Variants in ZNF625 observed in about 807,000 individuals in gnomAD.
ZNF625 encodes zinc finger protein 625.
ZNF625 carries 8 observed loss-of-function variants against 11.1 expected under a neutral mutation model. That is an observed-to-expected ratio of 0.72 (90% CI 0.42 to 1.30). The LOEUF is 1.30. ZNF625 is among the 50% of genes most tolerant of loss of function. The pLI, the probability that ZNF625 is intolerant of heterozygous loss-of-function variation, is 0.01. For missense variants in ZNF625, 349 were observed against 447.6 expected, an observed-to-expected ratio of 0.78 and a Z score of 1.99; for synonymous variants, 145 against 153.4, an observed-to-expected ratio of 0.95 and a Z score of 0.41.
At chr19:12,152,771 G>C (rs1232861916) in intron 1 of ZNF625, among the ~76,000 whole-genome samples, 1 of 151,834 alleles carries the variant, frequency 6.6e-6, no homozygotes, top group Non-Finnish European at 1.5e-5. Flanking sequence ...GAACCCAGGA[G>C]GCAGAGGTTG....
chr19:12,146,794 T>C (rs1976880297), intron 3 of ZNF625, among the ~76,000 whole-genome samples: 1 of 152,162 alleles, frequency 6.6e-6, no homozygotes, highest in South Asian at 2.1e-4. Flanking sequence ...TTATTGCTTC[T>C]GAGTCAGGGT....
Position 12,145,924 on chromosome 19 carries a change from A to G in ZNF625, c.492T>C (p.Asp164=). 1 of 1,613,918 alleles carries G rather than the reference A, an allele frequency of 6.2e-7. No homozygotes were observed. The highest frequency in any genetic ancestry group is 8.5e-7 in the Non-Finnish European group (1 of 1,179,974). ...TAAAGCTTTTTCCACATTCCTCACA[A>G]TCATAAGGTTTCCCCCCAGTGTGAG... The part of the protein sequence containing the change: ...EWAHTGGKPY[D]CEECGKSFIS... Residue 164 remains aspartate, a synonymous_variant, in exon 4 of 4, where the codon GAT becomes GAC. Coordinates refer to ENST00000439556, the MANE Select transcript of ZNF625 (RefSeq NM_145233.4).
intron 1 of ZNF625, among the ~76,000 whole-genome samples, chr19:12,148,672 A>G (rs1976911802): frequency 6.7e-6 from 1 of 148,944 alleles, no homozygotes; most frequent in African/African-American, 2.5e-5. Flanking sequence ...CACAGGCTGG[A>G]GTGCAGTGGC....
At chr19:12,152,355 T>C (rs1976967757) in intron 1 of ZNF625, among the ~76,000 whole-genome samples, 1 of 151,984 alleles carries the variant, frequency 6.6e-6, no homozygotes, top group African/African-American at 2.4e-5. Context: ...CACCAATATA[T>C]TGGAAAAGAG....
Position 12,145,258 on chromosome 19 carries a change from C to A in ZNF625, c.*39G>T. 1.3e-6 allele frequency: 2 copies of A among 1,534,078 alleles called. No individual in the cohort carries two copies. The highest frequency in any genetic ancestry group is 1.3e-5 in the South Asian group (1 of 77,266). ...TGATTTGAGGGAAACACATTTTTAC[C>A]ATGATTGGATTCGGTGGCTTCTAGG... On this transcript the variant is annotated 3_prime_UTR_variant, in exon 4 of 4. Coordinates refer to ENST00000439556, the MANE Select transcript of ZNF625 (RefSeq NM_145233.4).
At chr19:12,153,276 C>T (rs1976980419) in intron 1 of ZNF625, among the ~76,000 whole-genome samples, 2 of 147,694 alleles carry the variant, frequency 1.4e-5, no homozygotes, top group African/African-American at 2.5e-5. Flanking sequence ...ACTTGAACTT[C>T]GGGGGAGAAG....
chr19:12,146,420 T>C (rs1261036552), intron 3 of ZNF625, among the ~76,000 whole-genome samples, 196 bp from the exon 4 acceptor site: 2 of 152,064 alleles, frequency 1.3e-5, no homozygotes, highest in Admixed American at 6.6e-5. Context: ...AATATTGATA[T>C]AGGGCTTCTT....
intron 1 of ZNF625, among the ~76,000 whole-genome samples, chr19:12,153,661 G>C (rs1713097633): frequency 6.9e-6 from 1 of 145,500 alleles, no homozygotes; most frequent in Middle Eastern, 3.5e-3. Context: ...TCCAGCCTGG[G>C]TGACAGAGGG....
chr19:12,147,980 T>A (rs569107290), intron 1 of ZNF625, among the ~76,000 whole-genome samples, 178 bp from the exon 2 acceptor site: 30 of 152,260 alleles, frequency 2.0e-4, no homozygotes, highest in East Asian at 9.7e-4. Context: ...TCTTTTTTTT[T>A]AATTATTATT....
chr19:12,147,633 T>C (rs1195933701), intron 2 of ZNF625, 43 bp downstream of exon 2: 25 of 1,612,844 alleles, frequency 1.6e-5, no homozygotes, highest in Non-Finnish European at 2.0e-5. Context: ...CTAGAAACAC[T>C]TGTTCTCTAA....
chr19:12,145,878 T>C lies in ZNF625; in HGVS notation c.538A>G (p.Arg180Gly). Residue 180 changes from arginine to glycine, a missense_variant, in exon 4 of 4, where the codon AGA becomes GGA. Physicochemically the swap from Arg to Gly is moderately radical, Grantham distance 125. Coordinates refer to ENST00000439556, the MANE Select transcript of ZNF625 (RefSeq NM_145233.4). ...TCTCCACTGTGCATTATCCTGTGTC[T>C]TCGAATGCTTGAACGGGAAATAAAG... ...KSFISRSSIR[R>G]HRIMHSGDGP... The C allele has an allele frequency of 6.2e-7, 1 of 1,614,184 alleles. No individual in the cohort carries two copies. The highest frequency in any genetic ancestry group is 8.5e-7 in the Non-Finnish European group (1 of 1,180,014).
At chr19:12,149,702 C>G (rs972243398) in intron 1 of ZNF625, among the ~76,000 whole-genome samples, 1 of 151,060 alleles carries the variant, frequency 6.6e-6, no homozygotes, top group East Asian at 1.9e-4. Context: ...CAAGTAAGCA[C>G]GTGAAAAAGG....
At chr19:12,148,335 G>A (rs1976906401) in intron 1 of ZNF625, among the ~76,000 whole-genome samples, 1 of 152,060 alleles carries the variant, frequency 6.6e-6, no homozygotes, top group East Asian at 1.9e-4. Flanking sequence ...AAAAAATCAA[G>A]AGCAGAAACC....
chr19:12,147,891 T>C, intron 1 of ZNF625, 89 bp from the exon 2 acceptor site: 4 of 1,482,426 alleles, frequency 2.7e-6, no homozygotes, highest in South Asian at 1.4e-5. Flanking sequence ...TCCATGGTGC[T>C]ATGGACTCCA....
chr19:12,147,850 C>CT (rs750085081), intron 1 of ZNF625, 48 bp from the exon 2 acceptor site: 1 of 1,607,146 alleles, frequency 6.2e-7, no homozygotes, highest in East Asian at 2.2e-5. Flanking sequence ...ACTGACAGCA[C>CT]TGGGTTCCTA....
chr19:12,148,673 G>A (rs1206781089), intron 1 of ZNF625, among the ~76,000 whole-genome samples: 2 of 149,924 alleles, frequency 1.3e-5, no homozygotes, highest in Admixed American at 1.3e-4. Flanking sequence ...ACAGGCTGGA[G>A]TGCAGTGGCA....
At chr19:12,156,507 T>C in intron 1 of ZNF625, 49 bp downstream of exon 1, 1 of 1,400,950 alleles carries the variant, frequency 7.1e-7, no homozygotes, top group Non-Finnish European at 9.3e-7. Flanking sequence ...TCGAGCCGGT[T>C]CCTCCCGGCC....
At chr19:12,147,525 C>A in intron 2 of ZNF625, 70 bp from the exon 3 acceptor site, 2 of 1,513,308 alleles carry the variant, frequency 1.3e-6, no homozygotes, top group South Asian at 2.4e-5. Flanking sequence ...ATTCTAAGTT[C>A]ATGGTACACT....
chr19:12,147,662 A>G lies in ZNF625; in HGVS notation c.130+14T>C, dbSNP rs779186615. Reference sequence around the variant, plus strand: ...TCTCTAATTCACTGAGGAAAGTAATATTGTTACCCTTACCTACAGAAGCCA... The same window carrying G: ...TCTCTAATTCACTGAGGAAAGTAATGTTGTTACCCTTACCTACAGAAGCCA... On this transcript the variant is annotated intron_variant, in intron 2 of 3. Coordinates refer to ENST00000439556, the MANE Select transcript of ZNF625 (RefSeq NM_145233.4). The G allele has an allele frequency of 8.1e-6, 13 of 1,613,604 alleles. No homozygotes were observed. In the South Asian group the frequency reaches 1.4e-4, roughly 18 times the overall value.
Sources: gnomAD v4.1 joint callset for allele counts (sites outside exome capture counted in the v4.1 genomes callset) on GRCh38, gnomAD v4.1.1 for gene constraint, MANE v1.5 for transcripts, NCBI Gene and HGNC (gene_info 2026-07-23, HGNC 2026-07-21) for gene names.